The following TMCC1 variants were observed in gnomAD, a reference collection of about 807,000 sequenced individuals.
The protein encoded by TMCC1 is transmembrane and coiled-coil domain family 1.
TMCC1 carries 15 observed loss-of-function variants against 52.4 expected under a neutral mutation model. The ratio of observed to expected loss-of-function variants is 0.29; its 90% confidence interval spans 0.19 to 0.44. TMCC1 has a LOEUF of 0.44. Among genes scored for constraint, TMCC1 ranks in the 20% least tolerant of loss-of-function variants. TMCC1 has a pLI of 1.00. For synonymous variants in TMCC1, 279 were observed against 301.9 expected, an observed-to-expected ratio of 0.92 and a Z score of 0.79; for missense variants, 503 against 806.0, an observed-to-expected ratio of 0.62 and a Z score of 4.55.
At chr3:129,764,872 G>C (rs1391805144) in intron 4 of TMCC1, among the ~76,000 whole-genome samples, 1 of 136,640 alleles carries the variant, frequency 7.3e-6, no homozygotes, top group Non-Finnish European at 1.5e-5. Flanking sequence ...TGCAATAATA[G>C]CTAATGCAGC....
At chr3:129,719,303 G>A (rs2049373123) in intron 4 of TMCC1, among the ~76,000 whole-genome samples, 1 of 152,226 alleles carries the variant, frequency 6.6e-6, no homozygotes, top group South Asian at 2.1e-4. Context: ...AGCTGAACAT[G>A]TGGAGTTTCC....
chr3:129,712,423 C>T (rs2048768778), intron 4 of TMCC1, among the ~76,000 whole-genome samples: 1 of 152,096 alleles, frequency 6.6e-6, no homozygotes, highest in African/African-American at 2.4e-5. Context: ...GTTAAAGACG[C>T]AAGTCTCTTT....
chr3:129,812,313 G>A (rs1321321882), intron 4 of TMCC1, among the ~76,000 whole-genome samples: 1 of 125,892 alleles, frequency 7.9e-6, no homozygotes, highest in Non-Finnish European at 1.6e-5. Flanking sequence ...CTCCAGCCTA[G>A]GCAACAGAGC....
chr3:129,855,558 C>T (rs888045228), intron 2 of TMCC1, among the ~76,000 whole-genome samples: 3 of 152,076 alleles, frequency 2.0e-5, no homozygotes, highest in Non-Finnish European at 4.4e-5. Flanking sequence ...GAAAAACTCT[C>T]TTTGACCACA....
At chr3:129,686,734 A>G (rs1361460689) in intron 4 of TMCC1, among the ~76,000 whole-genome samples, 4 of 152,210 alleles carry the variant, frequency 2.6e-5, no homozygotes, top group Non-Finnish European at 5.9e-5. Context: ...AGTGTAAGGG[A>G]GGAAAATCTA....
At chr3:129,876,134 CAAA>C (rs374132880) in intron 2 of TMCC1, among the ~76,000 whole-genome samples, 4 of 77,412 alleles carry the variant, frequency 5.2e-5, no homozygotes, top group Non-Finnish European at 5.3e-5. Flanking sequence ...GATTTCATCT[CAAA>C]AAAAAAAAAA....
intron 4 of TMCC1, among the ~76,000 whole-genome samples, chr3:129,727,366 G>A (rs2050188379): frequency 6.6e-6 from 1 of 152,004 alleles, no homozygotes; most frequent in African/African-American, 2.4e-5. Flanking sequence ...AGGTTTTTTG[G>A]AACCTTACTG....
intron 4 of TMCC1, among the ~76,000 whole-genome samples, chr3:129,682,649 T>C (rs2108924724): frequency 6.6e-6 from 1 of 152,272 alleles, no homozygotes; most frequent in East Asian, 1.9e-4. Context: ...AATTGCCTAA[T>C]GGCTATTTCT....
rs567633961 is a variant in TMCC1 at position 129,790,470 on chromosome 3, A to G, written c.576+37333T>C. Among the ~76,000 whole-genome samples, 9 of 152,340 alleles carry G rather than the reference A, an allele frequency of 5.9e-5. No homozygotes were observed. The South Asian group carries it at 1.9e-3, about 32-fold the overall frequency. On this transcript the variant is annotated intron_variant, in intron 4 of 6. Transcript: ENST00000393238. ...TCAGTTATGTAATTTAAAATTTTGA[A>G]CTGTGAAAATAATTACCATTCAAAA... is the stretch of plus-strand genomic sequence containing the variant.
intron 1 of TMCC1, among the ~76,000 whole-genome samples, chr3:129,889,962 G>C (rs1017656857): frequency 1.4e-5 from 2 of 145,558 alleles, no homozygotes; most frequent in Non-Finnish European, 3.0e-5. Flanking sequence ...ACAACAACCA[G>C]AAGGGTGAAG....
chr3:129,729,512 T>A lies in TMCC1; in HGVS notation c.577-58248A>T, dbSNP rs547212508. Among the ~76,000 whole-genome samples the A allele has an allele frequency of 3.3e-5, 5 of 152,242 alleles. No individual in the cohort carries two copies. In the South Asian group the frequency reaches 1.0e-3, roughly 32 times the overall value. ...ATATACAGCTGTTCCTTGACTTTTGTCTCAATAAATGAACTGTGAGATGAA... is the reference window on the plus strand; with the variant it reads ...ATATACAGCTGTTCCTTGACTTTTGACTCAATAAATGAACTGTGAGATGAA... On this transcript the variant is annotated intron_variant, in intron 4 of 6. Coordinates refer to ENST00000393238, the MANE Select transcript of TMCC1 (RefSeq NM_001017395.5).
chr3:129,779,259 C>A (rs966897836), intron 4 of TMCC1, among the ~76,000 whole-genome samples: 1 of 152,084 alleles, frequency 6.6e-6, no homozygotes, highest in Admixed American at 6.5e-5. Flanking sequence ...GTCAGCATTG[C>A]AAAATTAAAA....
At chr3:129,796,963 A>G (rs1277514152) in intron 4 of TMCC1, among the ~76,000 whole-genome samples, 1 of 152,218 alleles carries the variant, frequency 6.6e-6, no homozygotes, top group African/African-American at 2.4e-5. Flanking sequence ...ATTATTCTCA[A>G]CTATGCTCGT....
At chr3:129,830,992 T>C (rs534562494) in intron 3 of TMCC1, among the ~76,000 whole-genome samples, 2 of 152,338 alleles carry the variant, frequency 1.3e-5, no homozygotes, top group African/African-American at 4.8e-5. Flanking sequence ...TGGAGCGCAG[T>C]GGCACAATCT....
intron 2 of TMCC1, among the ~76,000 whole-genome samples, chr3:129,870,693 C>G (rs1343228487): frequency 9.1e-6 from 1 of 110,034 alleles, no homozygotes; most frequent in Non-Finnish European, 1.7e-5. Context: ...GAGCCCAGAT[C>G]GTGCCACTGC....
chr3:129,669,562 G>A (rs754700042), intron 5 of TMCC1, among the ~76,000 whole-genome samples: 15 of 151,974 alleles, frequency 9.9e-5, no homozygotes, highest in Non-Finnish European at 1.8e-4. Flanking sequence ...AGCCTCCTGA[G>A]TAGCTGGGAT....
chr3:129,869,222 G>C (rs1185410907), intron 2 of TMCC1: 1 of 152,040 alleles, frequency 6.6e-6, no homozygotes, highest in Non-Finnish European at 1.5e-5. Context: ...GATGGGGTTT[G>C]GAAAGATTCC....
At chr3:129,778,127 T>C (rs1199344488) in intron 4 of TMCC1, among the ~76,000 whole-genome samples, 2 of 152,230 alleles carry the variant, frequency 1.3e-5, no homozygotes, top group Non-Finnish European at 2.9e-5. Context: ...ACGTGGGCAG[T>C]AGGGCTAAAG....
At chr3:129,832,587 C>T (rs1320004458) in intron 3 of TMCC1, among the ~76,000 whole-genome samples, 187 bp downstream of exon 3, 1 of 152,186 alleles carries the variant, frequency 6.6e-6, no homozygotes, top group Admixed American at 6.5e-5. Flanking sequence ...TTTTTAAAAT[C>T]TATCAACCAT....
Sources: allele counts gnomAD v4.1 joint callset (sites outside exome capture counted in the v4.1 genomes callset), GRCh38; gene constraint gnomAD v4.1.1; transcripts MANE v1.5; gene names NCBI Gene and HGNC (gene_info 2026-07-23, HGNC 2026-07-21).